The following KAZN variants were observed in gnomAD, a reference collection of about 807,000 sequenced individuals.
The protein encoded by KAZN is kazrin, periplakin interacting protein, also known as kazrin.
Under a neutral mutation model 87.4 loss-of-function variants are expected in KAZN, and 40 were observed. The ratio of observed to expected loss-of-function variants is 0.46; its 90% CI spans 0.36 to 0.60. The LOEUF is 0.60. Among genes scored for constraint, KAZN ranks in the 20% least tolerant of loss-of-function variants. The pLI is 0.00. For synonymous variants in KAZN, 466 were observed against 458.3 expected (o/e 1.02, Z -0.22); for missense variants, 898 against 1,073.9 (o/e 0.84, Z 2.29).
chr1:14,381,158 A>C (rs1270310282), intron 2 of KAZN, among the ~76,000 whole-genome samples: 1 of 152,206 alleles, frequency 6.6e-6, no homozygotes, highest in Non-Finnish European at 1.5e-5. Flanking sequence ...GTAAGAGTCA[A>C]AGAAGCTGAC....
chr1:14,945,713 G>A (rs1234080863), intron 1 of KAZN, among the ~76,000 whole-genome samples: 2 of 152,262 alleles, frequency 1.3e-5, no homozygotes, highest in Admixed American at 1.3e-4. Context: ...TCTTCCTGGA[G>A]CAGCTGCTCA....
chr1:14,956,286 C>G (rs776545259), intron 1 of KAZN, among the ~76,000 whole-genome samples: 9 of 137,246 alleles, frequency 6.6e-5, no homozygotes, highest in Non-Finnish European at 1.2e-4. Flanking sequence ...TTGGAAGAGA[C>G]CCAGAAGTCA....
At chr1:14,112,950 G>T (rs1644531850) in intron 1 of KAZN, among the ~76,000 whole-genome samples, 1 of 152,230 alleles carries the variant, frequency 6.6e-6, no homozygotes, top group Admixed American at 6.5e-5. Context: ...AGGCAGTCTT[G>T]CCTGTCACTA....
intron 1 of KAZN, among the ~76,000 whole-genome samples, chr1:14,027,213 G>A (rs960182703): frequency 1.3e-5 from 2 of 152,102 alleles, no homozygotes; most frequent in African/African-American, 4.8e-5. Flanking sequence ...TCAAAGCACC[G>A]CTTGGTTCTC....
At chr1:14,686,721 T>C (rs1246540768) in intron 1 of KAZN, among the ~76,000 whole-genome samples, 2 of 152,204 alleles carry the variant, frequency 1.3e-5, no homozygotes, top group Non-Finnish European at 2.9e-5. Flanking sequence ...GGCCCTGGCT[T>C]CTCAGAGACC....
rs61774069 is a variant in KAZN, at chr1:14,658,418, T to A, written c.226+59195T>A. Among the ~76,000 whole-genome samples the A allele has an allele frequency of 5.5e-4, 83 of 152,180 alleles. 1 individual carries two copies. Among genetic ancestry groups the A allele is most frequent in the Non-Finnish European group, 1.0e-3 (70 of 68,034 alleles). ...AACTCTGAGCCTCAGTTCCTCTATC[T>A]GTGAATGGGAGTAAAATTCCTTCCC... On this transcript the variant is annotated intron_variant, in intron 1 of 14. Transcript: ENST00000376030.
chr1:14,240,884 AC>A (rs1648879345), intron 2 of KAZN, among the ~76,000 whole-genome samples: 1 of 152,200 alleles, frequency 6.6e-6, no homozygotes, highest in Admixed American at 6.5e-5. Flanking sequence ...GAGAGGTACC[AC>A]CAAGTCCATT....
intron 2 of KAZN, among the ~76,000 whole-genome samples, chr1:14,985,050 C>T (rs1447410734): frequency 2.0e-5 from 3 of 151,554 alleles, no homozygotes; most frequent in South Asian, 2.1e-4. Flanking sequence ...GCAGAAGAAT[C>T]GCTTGAACCC....
At chr1:14,293,424 T>G (rs998599656) in intron 2 of KAZN, among the ~76,000 whole-genome samples, 14 of 152,158 alleles carry the variant, frequency 9.2e-5, no homozygotes, top group African/African-American at 3.1e-4. Flanking sequence ...TCATCATCTC[T>G]CCCTCCTTCT....
chr1:15,047,119 A>G (rs754258098), intron 4 of KAZN, among the ~76,000 whole-genome samples: 9 of 152,164 alleles, frequency 5.9e-5, no homozygotes, highest in Non-Finnish European at 1.3e-4. Flanking sequence ...ACTCAGGTTG[A>G]TTGGTTTATG....
intron 1 of KAZN, among the ~76,000 whole-genome samples, chr1:14,855,806 A>G (rs1650031477): frequency 6.6e-6 from 1 of 152,216 alleles, no homozygotes; most frequent in Non-Finnish European, 1.5e-5. Context: ...TGGAATTTGA[A>G]ACCACCTCTA....
chr1:15,066,335 CT>C lies in KAZN; in HGVS notation c.1222+583del. ...ATGTGGTCTGTTTTTGATGTCCCCC[CT>C]CCCGCCCCCCTGGTGTGAACGTGTG... On this transcript the variant is annotated intron_variant, in intron 8 of 14. Transcript: ENST00000376030. The surrounding 1 kb of genome is among the most constrained non-coding windows in gnomAD (Gnocchi z 4.3). The C allele has an allele frequency of 1.2e-6, 1 of 802,238 alleles. No homozygotes were observed. The highest frequency in any genetic ancestry group is 1.5e-6 in the Non-Finnish European group (1 of 662,114). The allele number at this position is 802,238 out of a possible 1,614,324, so 49.7% of individuals were successfully genotyped here.
chr1:14,708,943 C>G (rs988142624), intron 1 of KAZN, among the ~76,000 whole-genome samples: 3 of 152,196 alleles, frequency 2.0e-5, no homozygotes, highest in Non-Finnish European at 2.9e-5. Flanking sequence ...ATGACCAGGA[C>G]TGTGTTTTAT....
chr1:14,159,258 A>G (rs979005473), intron 1 of KAZN, among the ~76,000 whole-genome samples: 5 of 152,204 alleles, frequency 3.3e-5, no homozygotes, highest in Non-Finnish European at 7.3e-5. Context: ...ATGACAGTCA[A>G]AAACCTTAGA....
rs1641877823 is a variant in KAZN at position 13,964,673 on chromosome 1, T to G, written c.91+70917T>G. ...CAAGTATCCCAGCCTTCTTGAGGCC[T>G]CTACTGGGTGGCATGACATCCCTTT... On this transcript the variant is annotated intron_variant, in intron 1 of 16. Transcript: ENST00000636203. 2.0e-5 allele frequency among the ~76,000 whole-genome samples: 3 copies of G among 152,304 alleles called. No individual in the cohort carries two copies. In the South Asian group the frequency reaches 6.2e-4, roughly 32 times the overall value.
intron 1 of KAZN, among the ~76,000 whole-genome samples, chr1:14,616,649 C>T (rs553627356): frequency 6.6e-6 from 1 of 152,282 alleles, no homozygotes; most frequent in East Asian, 1.9e-4. Context: ...ACCTATACCT[C>T]TTGGCATTTC....
intron 1 of KAZN, among the ~76,000 whole-genome samples, chr1:13,993,468 A>C (rs1044167186): frequency 5.9e-5 from 9 of 152,358 alleles, no homozygotes; most frequent in African/African-American, 2.2e-4. Flanking sequence ...ATAAATAAAC[A>C]ATTTCAACTG....
At chr1:14,657,535 AC>A (rs1031085857) in intron 1 of KAZN, among the ~76,000 whole-genome samples, 4 of 151,980 alleles carry the variant, frequency 2.6e-5, no homozygotes, top group African/African-American at 7.3e-5. Flanking sequence ...CTTAAGTACT[AC>A]CCCACTTGGG....
chr1:13,959,603 C>T (rs909649529), intron 1 of KAZN, among the ~76,000 whole-genome samples: 2 of 152,148 alleles, frequency 1.3e-5, no homozygotes, highest in Non-Finnish European at 2.9e-5. Context: ...GCACTTGTTC[C>T]CTTTGCATGG....
Sources: gnomAD v4.1 joint callset for allele counts (sites outside exome capture counted in the v4.1 genomes callset) on GRCh38, gnomAD v4.1.1 for gene constraint, Gnocchi (gnomAD v3.1) non-coding constraint, MANE v1.5 for transcripts, NCBI Gene and HGNC (gene_info 2026-07-23, HGNC 2026-07-21) for gene names.